Variants in SOX6 observed in about 807,000 individuals in gnomAD.
SOX6 encodes transcription factor SOX-6.
A neutral mutation model predicts 97.8 loss-of-function variants in SOX6; 11 were observed. The ratio of observed to expected loss-of-function variants is 0.11; its 90% CI spans 0.07 to 0.19. The LOEUF is 0.19. Ranked by LOEUF, SOX6 falls within the 10% of genes least tolerant of loss-of-function variation. The probability of loss-of-function intolerance (pLI) is 1.00; values close to 1 mark genes in which losing one functional copy is unlikely to be tolerated. For missense variants in SOX6, 810 were observed against 1,039.5 expected, an observed-to-expected ratio of 0.78 and a Z score of 3.04; for synonymous variants, 360 against 371.4, an observed-to-expected ratio of 0.97 and a Z score of 0.35.
At chr11:16,318,892 G>T (rs989781326) in intron 2 of SOX6, among the ~76,000 whole-genome samples, 2 of 152,142 alleles carry the variant, frequency 1.3e-5, no homozygotes, top group Non-Finnish European at 2.9e-5. Context: ...TGAAGTTGCA[G>T]ATTAAAACTG....
chr11:15,981,643 A>G (rs1181597667), intron 15 of SOX6, among the ~76,000 whole-genome samples: 2 of 152,096 alleles, frequency 1.3e-5, no homozygotes, highest in Non-Finnish European at 2.9e-5. Context: ...CAGGAGGACA[A>G]TACTTAAAAA....
intron 13 of SOX6, among the ~76,000 whole-genome samples, chr11:16,011,629 T>C (rs1300091666): frequency 2.0e-5 from 3 of 152,012 alleles, no homozygotes; most frequent in Admixed American, 2.0e-4. Flanking sequence ...GCTTACTAAG[T>C]GATATTGTCA....
chr11:16,684,041 C>G (rs1254348805), intron 3 of SOX6, among the ~76,000 whole-genome samples: 1 of 152,138 alleles, frequency 6.6e-6, no homozygotes, highest in Non-Finnish European at 1.5e-5. Flanking sequence ...AATGAGATAC[C>G]ATCTCACACC....
chr11:16,148,833 T>C (rs568466538), intron 6 of SOX6, among the ~76,000 whole-genome samples: 69 of 152,232 alleles, frequency 4.5e-4, no homozygotes, highest in African/African-American at 1.4e-3. Flanking sequence ...CCTCAATTAA[T>C]TGCCCTTCCC....
intron 13 of SOX6, among the ~76,000 whole-genome samples, chr11:15,995,487 T>C (rs1215253246): frequency 1.3e-5 from 2 of 151,908 alleles, no homozygotes; most frequent in African/African-American, 2.4e-5. Context: ...CAATGGATAA[T>C]CCACAACATA....
At chr11:16,028,828 A>T (rs1471744547) in intron 12 of SOX6, among the ~76,000 whole-genome samples, 1 of 152,244 alleles carries the variant, frequency 6.6e-6, no homozygotes, top group Non-Finnish European at 1.5e-5. Flanking sequence ...ATAAATAAGT[A>T]AATAGAATAA....
intron 6 of SOX6, among the ~76,000 whole-genome samples, chr11:16,163,033 A>C (rs956986725): frequency 6.6e-6 from 1 of 152,202 alleles, no homozygotes; most frequent in Admixed American, 6.5e-5. Context: ...ATAATAAAAA[A>C]GAATGAAAAA....
intron 1 of SOX6, among the ~76,000 whole-genome samples, chr11:16,422,271 A>T (rs907215791): frequency 6.6e-6 from 1 of 152,224 alleles, no homozygotes; most frequent in Admixed American, 6.5e-5. Flanking sequence ...TACATTTGAC[A>T]GTTTATGTCT....
At chr11:16,167,013 T>C (rs893193851) in intron 6 of SOX6, among the ~76,000 whole-genome samples, 1 of 152,204 alleles carries the variant, frequency 6.6e-6, no homozygotes, top group Non-Finnish European at 1.5e-5. Flanking sequence ...CACTCTCAAA[T>C]GTACATTTTC....
In SOX6 at chr11:16,300,797, A is replaced by G. The variant is rs1044264111; in HGVS notation, c.445+17649T>C. On this transcript the variant is annotated intron_variant, in intron 3 of 15. Coordinates refer to ENST00000683767, the MANE Select transcript of SOX6 (RefSeq NM_001367873.1). This position sits in a 1 kb window ranked among gnomAD's most constrained non-coding sequence, Gnocchi z 4.1. ...ATCTACATGTCTAAGAAGAATACAGAGTTTTCTTTGGCCATTAAATGTTAA... is the reference window on the plus strand; with the variant it reads ...ATCTACATGTCTAAGAAGAATACAGGGTTTTCTTTGGCCATTAAATGTTAA... 1.3e-5 allele frequency among the ~76,000 whole-genome samples: 2 copies of G among 152,110 alleles called. No individual in the cohort carries two copies. The highest frequency in any genetic ancestry group is 4.8e-5 in the African/African-American group (2 of 41,406).
chr11:16,665,367 A>G (rs1847799600), intron 3 of SOX6, among the ~76,000 whole-genome samples: 1 of 152,174 alleles, frequency 6.6e-6, no homozygotes, highest in South Asian at 2.1e-4. Flanking sequence ...CTGACTGAAG[A>G]GACCTTGGGC....
rs545672425 is a variant in SOX6, at chr11:16,392,995, TG to T, written c.-4-51744del. ...CTGTCAAGTCCCTAATTCTTTCTAA[TG>T]ACAAGAACTTCATCATCACAACAAA... is the stretch of plus-strand genomic sequence containing the variant. On this transcript the variant is annotated intron_variant, in intron 1 of 15. Transcript: ENST00000396356. 1.5e-4 allele frequency among the ~76,000 whole-genome samples: 23 copies of T among 152,258 alleles called. No individual in the cohort carries two copies. In the East Asian group the frequency reaches 4.4e-3, roughly 29 times the overall value.
At chr11:16,012,891 A>C (rs573824427) in intron 13 of SOX6, among the ~76,000 whole-genome samples, 4 of 152,108 alleles carry the variant, frequency 2.6e-5, no homozygotes, top group Non-Finnish European at 4.4e-5. Flanking sequence ...CTTGATAAAA[A>C]AAGTTTTCTA....
intron 9 of SOX6, among the ~76,000 whole-genome samples, chr11:16,076,386 A>T (rs546292461): frequency 6.6e-6 from 1 of 150,944 alleles, no homozygotes; most frequent in African/African-American, 2.5e-5. Flanking sequence ...AGAATCTATA[A>T]GGAACTTAAA....
intron 1 of SOX6, among the ~76,000 whole-genome samples, chr11:16,395,948 T>G (rs532767414): frequency 6.6e-6 from 1 of 151,908 alleles, no homozygotes; most frequent in East Asian, 1.9e-4. Flanking sequence ...TTTAAAGAAT[T>G]AATGAATGCT....
At chr11:16,463,950 T>A (rs1342924879) in intron 1 of SOX6, among the ~76,000 whole-genome samples, 3 of 152,168 alleles carry the variant, frequency 2.0e-5, no homozygotes, top group African/African-American at 7.2e-5. Context: ...ATGACCAACA[T>A]CAACAATTGA....
At chr11:16,061,262 T>C (rs1847944146) in intron 9 of SOX6, among the ~76,000 whole-genome samples, 1 of 137,026 alleles carries the variant, frequency 7.3e-6, no homozygotes, top group Non-Finnish European at 1.6e-5. Flanking sequence ...AAAATCTAGC[T>C]GAAAACCAAA....
chr11:16,162,508 A>C (rs1266187446), intron 6 of SOX6, among the ~76,000 whole-genome samples: 1 of 152,096 alleles, frequency 6.6e-6, no homozygotes, highest in Middle Eastern at 3.2e-3. Context: ...AGTTCTCATG[A>C]AATCTGGTCA....
At chr11:16,334,325 C>G (rs891414997) in intron 2 of SOX6, among the ~76,000 whole-genome samples, 1 of 152,084 alleles carries the variant, frequency 6.6e-6, no homozygotes, top group Non-Finnish European at 1.5e-5. Context: ...ACGCAGCCCA[C>G]ATAATCACAT....
Sources: allele counts gnomAD v4.1 joint callset (sites outside exome capture counted in the v4.1 genomes callset), GRCh38; gene constraint gnomAD v4.1.1; non-coding constraint Gnocchi (gnomAD v3.1); transcripts MANE v1.5; gene names NCBI Gene and HGNC (gene_info 2026-07-23, HGNC 2026-07-21).